Variants in HDDC3 observed in about 807,000 individuals in gnomAD.
HDDC3 encodes the protein HD domain containing 3.
HDDC3 carries 18 observed loss-of-function variants against 19.1 expected under a neutral mutation model. The ratio of observed to expected loss-of-function variants is 0.94; its 90% CI spans 0.65 to 1.40. The LOEUF is 1.40. Among genes scored for constraint, HDDC3 ranks in the 40% most tolerant of loss-of-function variants. The pLI, the probability that HDDC3 is intolerant of heterozygous loss-of-function variation, is 0.00. For missense variants in HDDC3, 250 were observed against 228.9 expected, an observed-to-expected ratio of 1.09 and a Z score of -0.59; for synonymous variants, 107 against 99.4, an observed-to-expected ratio of 1.08 and a Z score of -0.46.
At position 90,932,097 on chromosome 15, in the gene HDDC3, G is replaced by A. The variant is rs1318532174; in HGVS notation, c.126C>T (p.Ile42=). The A allele has an allele frequency of 6.2e-7, 1 of 1,602,922 alleles. No individual in the cohort carries two copies. ...CAGTGATTCCCGCCTCGTGGGTCAGGATCCGTGCCACACCTGACGGGGAGG... is the reference window on the plus strand; with the variant it reads ...CAGTGATTCCCGCCTCGTGGGTCAGAATCCGTGCCACACCTGACGGGGAGG... ...YINHPIGVAR[I]LTHEAGITDI... Residue 42 remains isoleucine, a synonymous_variant, in exon 2 of 4, where the codon ATC becomes ATT. Transcript: ENST00000394272.
chr15:90,930,997 G>T lies in HDDC3; in HGVS notation c.*278C>A. The T allele has an allele frequency of 2.4e-6, 1 of 421,058 alleles. No individual in the cohort carries two copies. Among genetic ancestry groups the T allele is most frequent in the Non-Finnish European group, 4.4e-6 (1 of 228,578 alleles). 26.1% of individuals were successfully genotyped at this position (421,058 alleles called of 1,614,324 possible). A position where few individuals can be genotyped will look rare whatever the true frequency, so the allele number is the denominator to read the frequency against. ...CTTAAATAATCTCAAGTCCCTGAGG[G>T]GCCAGAGATCCCACCATGCAAAATA... On this transcript the variant is annotated 3_prime_UTR_variant, in exon 4 of 4. Transcript: ENST00000394272.
At chr15:90,931,619 G>A (rs1457340614) in intron 3 of HDDC3, 85 bp downstream of exon 3, 4 of 1,613,698 alleles carry the variant, frequency 2.5e-6, no homozygotes, top group Non-Finnish European at 3.4e-6. Flanking sequence ...GAATGCCCAG[G>A]GTTTTTCAGG....
rs1190199489 is a variant in HDDC3, at chr15:90,931,707, C to G, written c.406G>C (p.Glu136Gln). 2.5e-6 allele frequency: 4 copies of G among 1,614,120 alleles called. No homozygotes were observed. The highest frequency in any genetic ancestry group is 3.4e-6 in the Non-Finnish European group (4 of 1,180,012). Reference protein sequence around the residue: ...NLRDLNRCTPEGWSEHRVQEY... With the variant: ...NLRDLNRCTPQGWSEHRVQEY... Reference sequence around the variant, plus strand: ...TACAGCCCATACGAAAGCGTACCCTCTGGGGTGCAGCGATTCAGGTCCCTC... The same window carrying G: ...TACAGCCCATACGAAAGCGTACCCTGTGGGGTGCAGCGATTCAGGTCCCTC... The change falls in exon 3 of 4, where the codon GAG (glutamate) becomes CAG (glutamine). Residue 136 changes from glutamate (E) to glutamine (Q), a missense_variant. Glu to Gln is a conservative substitution (Grantham distance 29). Coordinates refer to ENST00000394272, the MANE Select transcript of HDDC3 (RefSeq NM_001286451.2).
Position 90,931,839 on chromosome 15 carries a change from C to G in HDDC3, c.274G>C (p.Asp92His). ...CTCTCCAGCTTGGGCAGAGTCTTGT[C>G]ATCTGTTACCTCCTCCACCAGGCGC... Reference protein sequence around the residue: ...VRRLVEEVTDDKTLPKLERKR... With the variant: ...VRRLVEEVTDHKTLPKLERKR... The change falls in exon 3 of 4, where the codon GAC (aspartate) becomes CAC (histidine). Residue 92 changes from aspartate (D) to histidine (H), a missense_variant. Physicochemically the swap from Asp to His is moderately conservative, Grantham distance 81. Coordinates refer to ENST00000394272, the MANE Select transcript of HDDC3 (RefSeq NM_001286451.2). The G allele has an allele frequency of 6.2e-7, 1 of 1,614,162 alleles. No individual in the cohort carries two copies. Among genetic ancestry groups the G allele is most frequent in the Non-Finnish European group, 8.5e-7 (1 of 1,180,028 alleles).
chr15:90,932,317 C>T (rs1184748170), intron 1 of HDDC3, 112 bp downstream of exon 1: 3 of 801,674 alleles, frequency 3.7e-6, no homozygotes, highest in Admixed American at 6.7e-5. Context: ...CGGTATATCG[C>T]ACTAAGCTTG....
At chr15:90,932,349 A>G (rs2035830497) in intron 1 of HDDC3, 80 bp downstream of exon 1, 2 of 888,310 alleles carry the variant, frequency 2.3e-6, no homozygotes, top group South Asian at 4.3e-5. Context: ...GTGCTCAATG[A>G]GGTGCACGCC....
In HDDC3 at chr15:90,930,272, A is replaced by AT. The variant is rs1219654219; in HGVS notation, c.*1002dup. On this transcript the variant is annotated 3_prime_UTR_variant, in exon 4 of 4. Coordinates refer to ENST00000394272, the MANE Select transcript of HDDC3 (RefSeq NM_001286451.2). ...CGGCTTGAGGTACTGGGGAACCGGA[A>AT]TCCCCCACCGGCCCAATCATGTTGC... 1 of 152,236 alleles carries AT rather than the reference A, an allele frequency of 6.6e-6. No individual in the cohort carries two copies. The highest frequency in any genetic ancestry group is 1.5e-5 in the Non-Finnish European group (1 of 68,042). The allele number at this position is 152,236 out of a possible 1,614,324, so 9.4% of individuals were successfully genotyped here. A position where few individuals can be genotyped will look rare whatever the true frequency, so the allele number is the denominator to read the frequency against.
intron 3 of HDDC3, 138 bp from the exon 4 acceptor site, chr15:90,931,543 C>G (rs2035791578): frequency 6.2e-7 from 1 of 1,614,074 alleles, no homozygotes; most frequent in Admixed American, 1.7e-5. Context: ...CTTGGCCCAG[C>G]TATTGTATTT....
rs2035778345 is a variant in HDDC3 at position 90,931,256 on chromosome 15, G to C, written c.*19C>G. ...TGAACGAGGCTGGAGTTGTGCCTCT[G>C]GATAGCTTCAAGCACTGATCAGATT... On this transcript the variant is annotated 3_prime_UTR_variant, in exon 4 of 4. Coordinates refer to ENST00000394272, the MANE Select transcript of HDDC3 (RefSeq NM_001286451.2). 1 of 1,550,634 alleles carries C rather than the reference G, an allele frequency of 6.4e-7. No homozygotes were observed. The highest frequency in any genetic ancestry group is 1.4e-5 in the African/African-American group (1 of 73,170).
In HDDC3 at chr15:90,931,203, A is replaced by T; in HGVS notation, c.*72T>A. 1 of 1,516,444 alleles carries T rather than the reference A, an allele frequency of 6.6e-7. No homozygotes were observed. Among genetic ancestry groups the T allele is most frequent in the Admixed American group, 2.0e-5 (1 of 49,864 alleles). The allele number at this position is 1,516,444 out of a possible 1,614,324, so 93.9% of individuals were successfully genotyped here. On this transcript the variant is annotated 3_prime_UTR_variant, in exon 4 of 4. Coordinates refer to ENST00000394272, the MANE Select transcript of HDDC3 (RefSeq NM_001286451.2). The stretch of plus-strand genomic sequence containing the variant: ...ATGGAGGGAGCTCAGGAGACACAGA[A>T]AAGATGGCGTATGAATCCTGTCCGG...
chr15:90,932,556 G>C, upstream of HDDC3: 1 of 1,242,138 alleles, frequency 8.1e-7, no homozygotes, highest in Non-Finnish European at 1.0e-6. Flanking sequence ...GGATGGGGCC[G>C]ACGACTGCGG....
At position 90,931,923 on chromosome 15, in the gene HDDC3, C is replaced by T. The variant is rs752850621; in HGVS notation, c.190G>A (p.Val64Met). The T allele has an allele frequency of 1.2e-6, 2 of 1,613,868 alleles. No individual in the cohort carries two copies. Among genetic ancestry groups the T allele is most frequent in the East Asian group, 2.2e-5 (1 of 44,894 alleles). The change falls in exon 3 of 4, where the codon GTG becomes ATG. Residue 64 changes from valine (V) to methionine (M), a missense_variant. Coordinates refer to ENST00000394272, the MANE Select transcript of HDDC3 (RefSeq NM_001286451.2). ...VLQAALLHDT[V>M]EDTDTTLDEV... ...TCCAGGGTGGTGTCTGTGTCCTCCA[C>T]CGTGTCATGGAGCAGGGCCGCCTGG...
chr15:90,932,051 T>C lies in HDDC3; in HGVS notation c.168+4A>G. The C allele has an allele frequency of 6.2e-7, 1 of 1,613,590 alleles. No individual in the cohort carries two copies. Reference sequence around the variant, plus strand: ...GGCTCCTGGCAGAGAAGGGGGAAAGTTACCTGTAACACCACAATGTCAGTG... The same window carrying C: ...GGCTCCTGGCAGAGAAGGGGGAAAGCTACCTGTAACACCACAATGTCAGTG... On this transcript the variant is annotated splice_donor_region_variant and intron_variant, in intron 2 of 3. Coordinates refer to ENST00000394272, the MANE Select transcript of HDDC3 (RefSeq NM_001286451.2).
intron 3 of HDDC3, 29 bp from the exon 4 acceptor site, chr15:90,931,434 G>C: frequency 1.9e-6 from 3 of 1,609,544 alleles, no homozygotes; most frequent in Non-Finnish European, 2.5e-6. Context: ...AAACTTGCTA[G>C]CGTGATGTCA....
chr15:90,931,409 C>A lies in HDDC3; in HGVS notation c.410-4G>T, dbSNP rs111567876. The A allele has an allele frequency of 5.2e-4, 825 of 1,590,390 alleles. 3 individuals are homozygous for A. In the African/African-American group the frequency reaches 9.7e-3, roughly 19 times the overall value. On this transcript the variant is annotated splice_region_variant and splice_polypyrimidine_tract_variant and intron_variant, in intron 3 of 3. Coordinates refer to ENST00000394272, the MANE Select transcript of HDDC3 (RefSeq NM_001286451.2). ...TGGACTCGATGTTCTGACCATCCTG[C>A]ATAAGAGTCGACAGAAACTTGCTAG...
rs373482128 is a variant in HDDC3, at chr15:90,931,578, A to C, written c.409+126T>G. ...TTTACTGTATGAAAGAAGATCAAAG[A>C]GTGGTCCAGTAGGATTAATTTGGGA... On this transcript the variant is annotated intron_variant, in intron 3 of 3. Coordinates refer to ENST00000394272, the MANE Select transcript of HDDC3 (RefSeq NM_001286451.2). 2.7e-5 allele frequency: 44 copies of C among 1,614,070 alleles called. No homozygotes were observed. The African/African-American group carries it at 4.5e-4, about 17-fold the overall frequency.
chr15:90,931,582 G>T, intron 3 of HDDC3, 122 bp downstream of exon 3: 1 of 1,614,116 alleles, frequency 6.2e-7, no homozygotes, highest in Non-Finnish European at 8.5e-7. Flanking sequence ...TCAAAGAGTG[G>T]TCCAGTAGGA....
intron 1 of HDDC3, 23 bp downstream of exon 1, chr15:90,932,406 C>T (rs2035833529): frequency 7.7e-7 from 1 of 1,302,690 alleles, no homozygotes; most frequent in South Asian, 2.0e-5. Flanking sequence ...CCGCAGCCGG[C>T]GCTCCGCGGC....
Position 90,932,426 on chromosome 15 carries a change from C to A in HDDC3, c.112+3G>T. The A allele has an allele frequency of 1.5e-6, 2 of 1,349,354 alleles. No homozygotes were observed. Among genetic ancestry groups the A allele is most frequent in the South Asian group, 3.8e-5 (2 of 53,246 alleles). The allele number at this position is 1,349,354 out of a possible 1,614,324, so 83.6% of individuals were successfully genotyped here. On this transcript the variant is annotated splice_donor_region_variant and intron_variant, in intron 1 of 3. Coordinates refer to ENST00000394272, the MANE Select transcript of HDDC3 (RefSeq NM_001286451.2). Reference sequence around the variant, plus strand: ...GCCGGCGCTCCGCGGCCGACGCGCCCACCGATGGGGTGGTTGATGTAGGGG... The same window carrying A: ...GCCGGCGCTCCGCGGCCGACGCGCCAACCGATGGGGTGGTTGATGTAGGGG...
Sources: gnomAD v4.1 joint callset for allele counts on GRCh38, gnomAD v4.1.1 for gene constraint, MANE v1.5 for transcripts, NCBI Gene and HGNC (gene_info 2026-07-23, HGNC 2026-07-21) for gene names.